The following CD40 variants were observed in gnomAD, a reference collection of about 807,000 sequenced individuals.
CD40 encodes CD40 molecule.
In CD40, 19 loss-of-function variants were observed where a neutral mutation model predicts 38.5. The observed-to-expected ratio is 0.49, with a 90% CI of 0.34 to 0.72. CD40 has a LOEUF of 0.72. CD40 is among the 30% of genes least tolerant of loss of function. The pLI is 0.01. For missense variants in CD40, 256 were observed against 344.1 expected, an observed-to-expected ratio of 0.74 and a Z score of 2.03; for synonymous variants, 130 against 128.7, an observed-to-expected ratio of 1.01 and a Z score of -0.07.
At chr20:46,128,018 A>C in intron 6 of CD40, 120 bp from the exon 7 acceptor site, 1 of 1,589,284 alleles carries the variant, frequency 6.3e-7, no homozygotes, top group African/African-American at 1.3e-5. Flanking sequence ...CGCGGTTTGA[A>C]CCTTCTGATG....
At chr20:46,124,114 A>G (rs1442681690) in intron 5 of CD40, among the ~76,000 whole-genome samples, 1 of 152,168 alleles carries the variant, frequency 6.6e-6, no homozygotes, top group African/African-American at 2.4e-5. Flanking sequence ...CCAGCACAAC[A>G]TGGTAAAAAC....
Position 46,122,224 on chromosome 20 carries a change from G to A in CD40, c.131-9G>A. On this transcript the variant is annotated splice_polypyrimidine_tract_variant and intron_variant, in intron 2 of 8. Coordinates refer to ENST00000372285, the MANE Select transcript of CD40 (RefSeq NM_001250.6). This position sits in a 1 kb window ranked among gnomAD's most constrained non-coding sequence, Gnocchi z 5.0. ...CCAGAGCCCTCCCTCATTTCCTGATGTTTTCCAGGACAGAAACTGGTGAGT... is the reference window on the plus strand; with the variant it reads ...CCAGAGCCCTCCCTCATTTCCTGATATTTTCCAGGACAGAAACTGGTGAGT... 1 of 1,614,168 alleles carries A rather than the reference G, an allele frequency of 6.2e-7. No individual in the cohort carries two copies. The highest frequency in any genetic ancestry group is 8.5e-7 in the Non-Finnish European group (1 of 1,180,024).
rs1413927582 is a variant in CD40, at chr20:46,128,335, G to A, written c.652G>A (p.Val218Met). The change falls in exon 8 of 9, where the codon GTG becomes ATG. Residue 218 changes from valine (V) to methionine (M), a missense_variant. Val to Met is a conservative substitution (Grantham distance 21, BLOSUM62 1). Transcript: ENST00000372285. ...TTTTTTTTTTTTTTTTTTAGAAAAG[G>A]TGGCCAAGAAGCCAACCAATAAGGT... ...ILLVLVFIKK[V>M]AKKPTNKAPH... 2 of 1,552,034 alleles carry A rather than the reference G, an allele frequency of 1.3e-6. No individual in the cohort carries two copies. Among genetic ancestry groups the A allele is most frequent in the Non-Finnish European group, 1.8e-6 (2 of 1,139,402 alleles).
chr20:46,120,564 G>C (rs2145586277), intron 1 of CD40, among the ~76,000 whole-genome samples: 1 of 152,352 alleles, frequency 6.6e-6, no homozygotes, highest in South Asian at 2.1e-4. Flanking sequence ...AGCTAGAATA[G>C]AGTTAATGCC....
chr20:46,118,326 G>T lies in CD40; in HGVS notation c.-18G>T, dbSNP rs1270042434. 2 of 1,613,144 alleles carry T rather than the reference G, an allele frequency of 1.2e-6. No individual in the cohort carries two copies. Among genetic ancestry groups the T allele is most frequent in the East Asian group, 2.2e-5 (1 of 44,870 alleles). ...CGCTCGGGCGCCCAGTGGTCCTGCC[G>T]CCTGGTCTCACCTCGCTATGGTTCG... is the stretch of plus-strand genomic sequence containing the variant. On this transcript the variant is annotated 5_prime_UTR_variant, in exon 1 of 9. Coordinates refer to ENST00000372285, the MANE Select transcript of CD40 (RefSeq NM_001250.6).
chr20:46,124,772 T>G (rs1440221623), intron 5 of CD40, among the ~76,000 whole-genome samples: 5 of 114,338 alleles, frequency 4.4e-5, no homozygotes, highest in African/African-American at 1.8e-4. Flanking sequence ...TTTTTTTTTT[T>G]TTTTTTTTTT....
intron 1 of CD40, 128 bp from the exon 2 acceptor site, chr20:46,121,692 G>A: frequency 2.5e-6 from 2 of 785,840 alleles, no homozygotes; most frequent in Non-Finnish European, 2.3e-6. Flanking sequence ...ATATCATGCA[G>A]GTTCCACTTT....
intron 6 of CD40, 76 bp downstream of exon 6, chr20:46,126,777 C>T (rs1257871060): frequency 6.2e-7 from 1 of 1,611,750 alleles, no homozygotes; most frequent in East Asian, 2.2e-5. Flanking sequence ...CACACAGGAA[C>T]ACTGGATGGG....
Position 46,122,475 on chromosome 20 carries a change from C to T in CD40, c.256+117C>T. On this transcript the variant is annotated intron_variant, in intron 3 of 8. Coordinates refer to ENST00000372285, the MANE Select transcript of CD40 (RefSeq NM_001250.6). The surrounding 1 kb of genome is among the most constrained non-coding windows in gnomAD (Gnocchi z 5.0). ...CTGATTGGTTGGAGTCCGGGCTGTA[C>T]TGATCATTAAATGATTTGATTGCCA... is the stretch of plus-strand genomic sequence containing the variant. 1 of 1,564,674 alleles carries T rather than the reference C, an allele frequency of 6.4e-7. No individual in the cohort carries two copies. The highest frequency in any genetic ancestry group is 1.4e-5 in the African/African-American group (1 of 73,988).
Position 46,128,132 on chromosome 20 carries a change from C to T in CD40, c.560-6C>T, listed in dbSNP as rs778995508. ...GGGGTGCATGCTGAAGTCCTGATTT[C>T]TCCAGGTCCCCAGGATCGGCTGAGA... On this transcript the variant is annotated splice_region_variant and splice_polypyrimidine_tract_variant and intron_variant, in intron 6 of 8. Coordinates refer to ENST00000372285, the MANE Select transcript of CD40 (RefSeq NM_001250.6). 6.2e-7 allele frequency: 1 copy of T among 1,613,994 alleles called. No individual in the cohort carries two copies. Among genetic ancestry groups the T allele is most frequent in the Non-Finnish European group, 8.5e-7 (1 of 1,180,002 alleles).
Position 46,123,157 on chromosome 20 carries a change from C to T in CD40, c.435C>T (p.Pro145=), listed in dbSNP as rs376668410. 4 of 1,614,116 alleles carry T rather than the reference C, an allele frequency of 2.5e-6. No homozygotes were observed. The highest frequency in any genetic ancestry group is 3.4e-6 in the Non-Finnish European group (4 of 1,180,030). The change falls in exon 5 of 9, where the codon CCC becomes CCT. Residue 145 remains proline (P), a synonymous_variant. Transcript: ENST00000372285. ...GGGTTTCTGATACCATCTGCGAGCC[C>T]TGCCCAGTCGGCTTCTTCTCCAATG... The part of the protein sequence containing the change: ...ATGVSDTICE[P]CPVGFFSNVS...
In CD40 at chr20:46,122,374, G is replaced by A. The variant is rs1294159298; in HGVS notation, c.256+16G>A. ...TGCGACCCCAGTGCGTGCGCTGTTG[G>A]GAAAGGGACGCTTGGGAACCGGGCT... On this transcript the variant is annotated intron_variant, in intron 3 of 8. Coordinates refer to ENST00000372285, the MANE Select transcript of CD40 (RefSeq NM_001250.6). This position sits in a 1 kb window ranked among gnomAD's most constrained non-coding sequence, Gnocchi z 5.0. 1.2e-5 allele frequency: 20 copies of A among 1,614,012 alleles called. No individual in the cohort carries two copies. Among genetic ancestry groups the A allele is most frequent in the South Asian group, 5.5e-5 (5 of 91,076 alleles).
At chr20:46,120,780 ACCGG>A (rs1446640212) in intron 1 of CD40, among the ~76,000 whole-genome samples, 5 of 152,220 alleles carry the variant, frequency 3.3e-5, no homozygotes, top group Admixed American at 2.6e-4. Context: ...AAGTAAATGT[ACCGG>A]CCAGGCACGG....
intron 8 of CD40, chr20:46,128,619 C>A: frequency 1.4e-6 from 1 of 693,570 alleles, no homozygotes. Flanking sequence ...GCGTGGGGAG[C>A]TGCATCTTTG....
intron 5 of CD40, among the ~76,000 whole-genome samples, chr20:46,123,431 A>G (rs954984996): frequency 6.6e-6 from 1 of 152,094 alleles, no homozygotes; most frequent in African/African-American, 2.4e-5. Context: ...GACACTGTTG[A>G]TCTCTCGCTT....
chr20:46,118,452 G>A (rs2085254515), intron 1 of CD40, 58 bp downstream of exon 1: 2 of 1,546,482 alleles, frequency 1.3e-6, no homozygotes, highest in African/African-American at 1.4e-5. Flanking sequence ...AGAAGGAAAG[G>A]GAAGGAAGAC....
chr20:46,120,428 CT>C (rs2085295008), intron 1 of CD40, among the ~76,000 whole-genome samples: 1 of 152,224 alleles, frequency 6.6e-6, no homozygotes. Flanking sequence ...AACTTGTGTT[CT>C]TTTCACTGGC....
chr20:46,127,848 T>C (rs538122264), intron 6 of CD40: 34 of 477,970 alleles, frequency 7.1e-5, no homozygotes, highest in African/African-American at 6.1e-4. Flanking sequence ...GTGGGGAGGC[T>C]GCCAACTGGA....
chr20:46,122,947 C>A lies in CD40; in HGVS notation c.404-179C>A. The A allele has an allele frequency of 1.1e-6, 1 of 907,508 alleles. No homozygotes were observed. The allele number at this position is 907,508 out of a possible 1,614,324, so 56.2% of individuals were successfully genotyped here. The stretch of plus-strand genomic sequence containing the variant: ...TCTGCCTTCTGCCATGGGGATCTGC[C>A]TTTGAAGGGCAATGGGAGAAGTCCT... On this transcript the variant is annotated intron_variant, in intron 4 of 8. Coordinates refer to ENST00000372285, the MANE Select transcript of CD40 (RefSeq NM_001250.6). This position sits in a 1 kb window ranked among gnomAD's most constrained non-coding sequence, Gnocchi z 5.0.
Sources: allele counts gnomAD v4.1 joint callset (sites outside exome capture counted in the v4.1 genomes callset), GRCh38; gene constraint gnomAD v4.1.1; non-coding constraint Gnocchi (gnomAD v3.1); transcripts MANE v1.5; gene names NCBI Gene and HGNC (gene_info 2026-07-23, HGNC 2026-07-21).